Variants in FRYL observed in about 807,000 individuals in gnomAD.
FRYL encodes the protein FRY like transcription coactivator.
A neutral mutation model predicts 351.2 loss-of-function variants in FRYL; 150 were observed. The ratio of observed to expected loss-of-function variants is 0.43; its 90% CI spans 0.37 to 0.49. The LOEUF is 0.49. Ranked by LOEUF, FRYL falls within the 20% of genes least tolerant of loss-of-function variation. The pLI is 0.00. For missense variants in FRYL, 3,036 were observed against 3,619.3 expected, an observed-to-expected ratio of 0.84 and a Z score of 4.13; for synonymous variants, 1,153 against 1,257.1, an observed-to-expected ratio of 0.92 and a Z score of 1.75.
At chr4:48,681,411 A>G (rs191145920) in intron 3 of FRYL, among the ~76,000 whole-genome samples, 3 of 152,278 alleles carry the variant, frequency 2.0e-5, no homozygotes, top group Admixed American at 2.0e-4. Context: ...CTGAGACCAT[A>G]AAATATTGAG....
intron 23 of FRYL, among the ~76,000 whole-genome samples, chr4:48,576,726 C>T (rs1578193736): frequency 6.6e-6 from 1 of 152,130 alleles, no homozygotes; most frequent in African/African-American, 2.4e-5. Flanking sequence ...ATCATTTTAA[C>T]ATTATTACTC....
intron 53 of FRYL, among the ~76,000 whole-genome samples, chr4:48,524,540 G>A (rs919777151): frequency 6.6e-6 from 1 of 152,104 alleles, no homozygotes; most frequent in African/African-American, 2.4e-5. Flanking sequence ...AGTTTGTTTT[G>A]TAGCAATCAA....
chr4:48,556,122 T>C (rs1365176577), intron 35 of FRYL, among the ~76,000 whole-genome samples: 1 of 152,202 alleles, frequency 6.6e-6, no homozygotes, highest in Non-Finnish European at 1.5e-5. Context: ...CTCGGACTCC[T>C]GACCTCAGGT....
intron 4 of FRYL, among the ~76,000 whole-genome samples, chr4:48,632,030 G>C (rs1472065994): frequency 1.8e-5 from 2 of 110,278 alleles, no homozygotes; most frequent in African/African-American, 3.6e-5. Flanking sequence ...TCCAGCCTGG[G>C]AGACACAGCA....
chr4:48,703,009 A>G (rs1766936862), intron 2 of FRYL, among the ~76,000 whole-genome samples: 1 of 152,150 alleles, frequency 6.6e-6, no homozygotes, highest in Admixed American at 6.6e-5. Context: ...TGAGCTAAGA[A>G]AAGAGGCAGA....
intron 1 of FRYL, among the ~76,000 whole-genome samples, chr4:48,766,228 A>G (rs1266656060): frequency 6.6e-6 from 1 of 152,156 alleles, no homozygotes; most frequent in Non-Finnish European, 1.5e-5. Flanking sequence ...TGCTGTTGTG[A>G]GTCTGGTTTG....
chr4:48,734,850 C>T (rs892172797), intron 1 of FRYL, among the ~76,000 whole-genome samples: 2 of 152,098 alleles, frequency 1.3e-5, no homozygotes, highest in African/African-American at 4.8e-5. Context: ...TCAGATAAAC[C>T]TAAAACCATA....
intron 2 of FRYL, among the ~76,000 whole-genome samples, chr4:48,685,952 A>C (rs1335319815): frequency 1.3e-5 from 2 of 152,058 alleles, no homozygotes; most frequent in African/African-American, 2.4e-5. Context: ...ATGGGGTTTC[A>C]CCATGTTGGC....
At chr4:48,752,746 A>G (rs1046421989) in intron 1 of FRYL, among the ~76,000 whole-genome samples, 5 of 152,264 alleles carry the variant, frequency 3.3e-5, no homozygotes, top group African/African-American at 4.8e-5. Flanking sequence ...AAGAGTTCAC[A>G]TTACTATTGT....
At position 48,515,029 on chromosome 4, in the gene FRYL, T is replaced by A. The variant is rs1180507968; in HGVS notation, c.7936A>T (p.Ser2646Cys). 1 of 1,613,288 alleles carries A rather than the reference T, an allele frequency of 6.2e-7. No individual in the cohort carries two copies. Among genetic ancestry groups the A allele is most frequent in the East Asian group, 2.2e-5 (1 of 44,852 alleles). The change falls in exon 56 of 64, where the codon AGT becomes TGT. Residue 2646 changes from serine (S) to cysteine (C), a missense_variant and splice_region_variant. By Grantham distance (112) the Ser-to-Cys change is moderately radical (BLOSUM62 -1). Coordinates refer to ENST00000358350, the MANE Select transcript of FRYL (RefSeq NM_015030.2). ...EEEADFSGLS[S>C]QDEEEQDGFP... is the part of the protein sequence containing the mutation. ...GTGTTTATGATACTGTATTCTCACC[T>A]AGACAGTCCGGAGAAATCCGCTTCT...
At chr4:48,745,319 C>T (rs1772546478) in intron 1 of FRYL, among the ~76,000 whole-genome samples, 1 of 152,120 alleles carries the variant, frequency 6.6e-6, no homozygotes, top group South Asian at 2.1e-4. Context: ...TTTATTGCAG[C>T]ACTATTCACA....
intron 2 of FRYL, among the ~76,000 whole-genome samples, chr4:48,692,190 T>G (rs1399541380): frequency 1.3e-5 from 2 of 152,204 alleles, no homozygotes; most frequent in Non-Finnish European, 2.9e-5. Flanking sequence ...CACTGTTGCA[T>G]TATTTCTTGT....
intron 1 of FRYL, among the ~76,000 whole-genome samples, chr4:48,717,801 A>G (rs1294658749): frequency 6.6e-6 from 1 of 151,412 alleles, no homozygotes; most frequent in East Asian, 1.9e-4. Context: ...CTCACATTCC[A>G]AAGTACTGGG....
At chr4:48,731,189 C>A (rs1397095643) in intron 1 of FRYL, among the ~76,000 whole-genome samples, 1 of 152,156 alleles carries the variant, frequency 6.6e-6, no homozygotes, top group Non-Finnish European at 1.5e-5. Context: ...AATACATATG[C>A]ACCCAATACA....
chr4:48,710,155 G>C (rs1310334006), intron 2 of FRYL, among the ~76,000 whole-genome samples: 1 of 152,192 alleles, frequency 6.6e-6, no homozygotes, highest in Non-Finnish European at 1.5e-5. Flanking sequence ...TTCCATGAAT[G>C]TATACATAAT....
chr4:48,750,810 T>C (rs1773180460), intron 1 of FRYL, among the ~76,000 whole-genome samples: 1 of 152,184 alleles, frequency 6.6e-6, no homozygotes, highest in Admixed American at 6.5e-5. Flanking sequence ...TCATTTCACT[T>C]TTCCCCCTAT....
chr4:48,566,654 T>G (rs568112046), intron 28 of FRYL, among the ~76,000 whole-genome samples: 1 of 152,234 alleles, frequency 6.6e-6, no homozygotes, highest in Non-Finnish European at 1.5e-5. Flanking sequence ...AAAATAACAA[T>G]GTGACTTTAA....
At chr4:48,534,451 C>T in intron 49 of FRYL, 94 bp downstream of exon 49, 1 of 942,110 alleles carries the variant, frequency 1.1e-6, no homozygotes, top group Non-Finnish European at 1.6e-6. Context: ...GAACCACTTC[C>T]CCATTCTTCG....
intron 57 of FRYL, 64 bp downstream of exon 57, chr4:48,512,414 TAGA>T (rs1432373296): frequency 1.5e-6 from 2 of 1,307,706 alleles, no homozygotes; most frequent in Non-Finnish European, 2.1e-6. Context: ...ATGCTGATTT[TAGA>T]AGAAAAACTG....
Sources: allele counts gnomAD v4.1 joint callset (sites outside exome capture counted in the v4.1 genomes callset), GRCh38; gene constraint gnomAD v4.1.1; transcripts MANE v1.5; gene names NCBI Gene and HGNC (gene_info 2026-07-23, HGNC 2026-07-21).